Variants in PDE10A observed in about 807,000 individuals in gnomAD.
PDE10A encodes the protein phosphodiesterase 10A, also known as cAMP and cAMP-inhibited cGMP 3',5'-cyclic phosphodiesterase 10A.
PDE10A carries 39 observed loss-of-function variants against 97.7 expected under a neutral mutation model. The observed-to-expected ratio is 0.40, with a 90% CI of 0.31 to 0.52. The LOEUF (loss-of-function observed/expected upper bound fraction) is 0.52. Ranked by LOEUF, PDE10A falls within the 20% of genes least tolerant of loss-of-function variation. The probability of loss-of-function intolerance (pLI) is 0.56; values close to 1 mark genes in which losing one functional copy is unlikely to be tolerated. For missense variants in PDE10A, 731 were observed against 1,047.8 expected (o/e 0.70, Z 4.17); for synonymous variants, 371 against 376.8 (o/e 0.98, Z 0.18).
At chr6:165,561,821 T>A (rs751851858) in intron 1 of PDE10A, among the ~76,000 whole-genome samples, 39 of 152,196 alleles carry the variant, frequency 2.6e-4, no homozygotes, top group Non-Finnish European at 4.6e-4. Context: ...AATGAAGACA[T>A]GAATACATCA....
At chr6:165,902,418 T>C (rs1043991856) in intron 1 of PDE10A, among the ~76,000 whole-genome samples, 3 of 152,244 alleles carry the variant, frequency 2.0e-5, no homozygotes, top group Admixed American at 6.5e-5. Context: ...GACTGTTTTT[T>C]ATCCCAATTG....
rs1790649670 is a variant in PDE10A, at chr6:165,671,624, G to A, written c.-614-128056C>T. Among the ~76,000 whole-genome samples, 1 of 152,120 alleles carries A rather than the reference G, an allele frequency of 6.6e-6. No homozygotes were observed. The highest frequency in any genetic ancestry group is 1.5e-5 in the Non-Finnish European group (1 of 68,030). ...GAAGCCCTTAGAGGCAGCTTTAATA[G>A]CTAGGATTTAGGCTCGTTTTATAGA... On this transcript the variant is annotated intron_variant, in intron 1 of 19. Transcript: ENST00000366882. This position sits in a 1 kb window ranked among gnomAD's most constrained non-coding sequence, Gnocchi z 4.6.
chr6:165,375,393 C>G (rs1784551970), intron 18 of PDE10A, among the ~76,000 whole-genome samples: 1 of 152,152 alleles, frequency 6.6e-6, no homozygotes, highest in South Asian at 2.1e-4. Context: ...TCCCTTAAGC[C>G]AAAAGCTAAT....
At chr6:165,386,688 A>T (rs58878073) in intron 17 of PDE10A, among the ~76,000 whole-genome samples, 3 of 152,142 alleles carry the variant, frequency 2.0e-5, no homozygotes, top group African/African-American at 4.8e-5. Context: ...TATACACACA[A>T]GCCTTTTATC....
At position 165,330,528 on chromosome 6, in the gene PDE10A, A is replaced by C. The variant is rs1781283893; in HGVS notation, c.*2497T>G. ...ATGGTAAAAGCAATATTGACAGTTT[A>C]TATCAGAATTCAGTCTTTTGTTCAA... is the stretch of plus-strand genomic sequence containing the variant. On this transcript the variant is annotated 3_prime_UTR_variant, in exon 22 of 22. Coordinates refer to ENST00000539869, the MANE Select transcript of PDE10A (RefSeq NM_001385079.1). 6.6e-6 allele frequency: 1 copy of C among 152,238 alleles called. No homozygotes were observed. Among genetic ancestry groups the C allele is most frequent in the African/African-American group, 2.4e-5 (1 of 41,476 alleles). The allele number at this position is 152,238 out of a possible 1,614,324, so 9.4% of individuals were successfully genotyped here. A position where few individuals can be genotyped will look rare whatever the true frequency, so the allele number is the denominator to read the frequency against.
chr6:165,444,178 A>G (rs1790676476), intron 5 of PDE10A, among the ~76,000 whole-genome samples: 1 of 152,064 alleles, frequency 6.6e-6, no homozygotes. Flanking sequence ...TATCACTGTC[A>G]GCATTTTCGT....
At chr6:165,797,850 A>T (rs1302147682) in intron 1 of PDE10A, among the ~76,000 whole-genome samples, 1 of 152,230 alleles carries the variant, frequency 6.6e-6, no homozygotes, top group Non-Finnish European at 1.5e-5. Flanking sequence ...ACAGAAATGT[A>T]CTAAAAGGAC....
chr6:165,392,936 G>A (rs1785834604), intron 15 of PDE10A, 140 bp from the exon 16 acceptor site: 2 of 709,612 alleles, frequency 2.8e-6, no homozygotes, highest in Non-Finnish European at 4.8e-6. Context: ...CTGAATCCAT[G>A]AGCACTGGAA....
intron 1 of PDE10A, among the ~76,000 whole-genome samples, chr6:165,587,667 T>G (rs1785997054): frequency 6.6e-6 from 1 of 152,194 alleles, no homozygotes; most frequent in Admixed American, 6.5e-5. Flanking sequence ...ATATGAATTT[T>G]TTTTTCCTAT....
intron 1 of PDE10A, among the ~76,000 whole-genome samples, chr6:165,847,130 A>T (rs1780442645): frequency 6.6e-6 from 1 of 152,170 alleles, no homozygotes. Context: ...TACCATACAC[A>T]CCTAATCACA....
chr6:165,669,657 A>C (rs1474326536), intron 1 of PDE10A, among the ~76,000 whole-genome samples: 1 of 152,182 alleles, frequency 6.6e-6, no homozygotes, highest in Non-Finnish European at 1.5e-5. Context: ...TACTGGTGGC[A>C]TGAAAGCTTA....
At chr6:165,392,880 T>C (rs1316987735) in intron 15 of PDE10A, 84 bp from the exon 16 acceptor site, 3 of 1,201,074 alleles carry the variant, frequency 2.5e-6, no homozygotes, top group Admixed American at 3.5e-5. Flanking sequence ...GGTACATATA[T>C]GTCTGTACCC....
At chr6:165,853,145 C>T (rs926907868) in intron 1 of PDE10A, among the ~76,000 whole-genome samples, 3 of 152,236 alleles carry the variant, frequency 2.0e-5, no homozygotes, top group South Asian at 2.1e-4. Context: ...TCCACAGTCC[C>T]GGAGCGGGTA....
intron 1 of PDE10A, among the ~76,000 whole-genome samples, chr6:165,875,734 T>TTTTTTTG (rs61302529): frequency 0.48 from 57,961 of 120,996 alleles, 12,551 homozygotes; most frequent in East Asian, 0.7. Context: ...TTTTACTGTT[T>TTTTTTTG]TTTTTTTTTT....
At chr6:165,358,511 GTT>G (rs58321856) in intron 18 of PDE10A, among the ~76,000 whole-genome samples, 1 of 146,334 alleles carries the variant, frequency 6.8e-6, no homozygotes, top group Admixed American at 6.8e-5. Context: ...AGGTACACCA[GTT>G]TTTTTTTTTT....
intron 1 of PDE10A, among the ~76,000 whole-genome samples, chr6:165,721,633 C>T (rs1792169911): frequency 6.6e-6 from 1 of 152,156 alleles, no homozygotes; most frequent in Non-Finnish European, 1.5e-5. Flanking sequence ...GAAAAATCAA[C>T]AGAACAAGAA....
intron 1 of PDE10A, among the ~76,000 whole-genome samples, chr6:165,876,197 A>G (rs1244696845): frequency 1.3e-5 from 2 of 152,230 alleles, no homozygotes; most frequent in Non-Finnish European, 2.9e-5. Context: ...AGGCTGCAAG[A>G]CCAGCAAGAA....
chr6:165,952,468 T>C (rs1291804877), intron 1 of PDE10A, among the ~76,000 whole-genome samples: 1 of 152,264 alleles, frequency 6.6e-6, no homozygotes, highest in African/African-American at 2.4e-5. Context: ...CACCGTTTCT[T>C]AGTTTTACAC....
intron 13 of PDE10A, among the ~76,000 whole-genome samples, chr6:165,400,056 CA>C (rs1049570201): frequency 7.0e-4 from 107 of 152,196 alleles, no homozygotes; most frequent in African/African-American, 2.5e-3. Flanking sequence ...AGCAAGGCTG[CA>C]AAGGCGAGGC....
Sources: allele counts gnomAD v4.1 joint callset (sites outside exome capture counted in the v4.1 genomes callset), GRCh38; gene constraint gnomAD v4.1.1; non-coding constraint Gnocchi (gnomAD v3.1); transcripts MANE v1.5; gene names NCBI Gene and HGNC (gene_info 2026-07-23, HGNC 2026-07-21).